Variants in SNTG1 observed in about 807,000 individuals in gnomAD.
The protein encoded by SNTG1 is gamma-1-syntrophin.
In SNTG1, 39 loss-of-function variants were observed where a neutral mutation model predicts 74.7. The observed-to-expected ratio is 0.52, with a 90% CI of 0.40 to 0.68. The LOEUF is 0.68. Ranked by LOEUF, SNTG1 falls within the 30% of genes least tolerant of loss-of-function variation. The pLI is 0.00. For synonymous variants in SNTG1, 254 were observed against 217.1 expected (o/e 1.17, Z -1.49); for missense variants, 685 against 609.5 (o/e 1.12, Z -1.30).
chr8:50,534,093 A>T (rs376430970), intron 10 of SNTG1, among the ~76,000 whole-genome samples: 7 of 152,256 alleles, frequency 4.6e-5, no homozygotes, highest in Non-Finnish European at 7.3e-5. Flanking sequence ...GAAATAATCA[A>T]GTAAAAAAAT....
At chr8:50,207,697 G>A (rs2084315452) in intron 2 of SNTG1, among the ~76,000 whole-genome samples, 1 of 152,060 alleles carries the variant, frequency 6.6e-6, no homozygotes, top group Non-Finnish European at 1.5e-5. Context: ...TCTCTTGTGG[G>A]CATTTAGTGC....
intron 1 of SNTG1, among the ~76,000 whole-genome samples, chr8:50,131,632 C>T (rs956297548): frequency 3.9e-5 from 6 of 151,980 alleles, no homozygotes; most frequent in Non-Finnish European, 4.4e-5. Context: ...GTGAATAATG[C>T]CTCAATGAAC....
intron 8 of SNTG1, among the ~76,000 whole-genome samples, chr8:50,462,239 T>C (rs2093569847): frequency 6.6e-6 from 1 of 151,134 alleles, no homozygotes; most frequent in South Asian, 2.2e-4. Context: ...TGGAAGTACA[T>C]ATACAAGTTA....
At chr8:50,358,820 A>T (rs17771833) in intron 2 of SNTG1, among the ~76,000 whole-genome samples, 1 of 152,166 alleles carries the variant, frequency 6.6e-6, no homozygotes, top group Admixed American at 6.5e-5. Context: ...TTAAGGCTTG[A>T]TGAACTATTC....
intron 1 of SNTG1, among the ~76,000 whole-genome samples, chr8:50,140,935 A>G (rs2081637749): frequency 6.6e-6 from 1 of 152,194 alleles, no homozygotes; most frequent in African/African-American, 2.4e-5. Context: ...TACTAATTAT[A>G]TTCTAAATCA....
In SNTG1 at chr8:50,548,905, G is replaced by T. The variant is rs868322439; in HGVS notation, c.681-4145G>T. On this transcript the variant is annotated intron_variant, in intron 11 of 18. Coordinates refer to ENST00000642720, the MANE Select transcript of SNTG1 (RefSeq NM_018967.5). The stretch of plus-strand genomic sequence containing the variant: ...GATAGTCTTCAAAATACAGCCTGAG[G>T]TGTGCAGAATATGTGTTGCCTTCTT... 3.3e-4 allele frequency among the ~76,000 whole-genome samples: 50 copies of T among 152,152 alleles called. 2 individuals carry two copies. Among genetic ancestry groups the T allele is most frequent in the Admixed American group, 7.9e-4 (12 of 15,268 alleles).
intron 17 of SNTG1, among the ~76,000 whole-genome samples, chr8:50,736,188 C>G (rs767765834): frequency 1.3e-5 from 2 of 151,882 alleles, no homozygotes; most frequent in Non-Finnish European, 2.9e-5. Flanking sequence ...TAAAGGCCAT[C>G]GAGACTATGA....
chr8:50,723,200 T>C (rs1235446176), intron 17 of SNTG1, among the ~76,000 whole-genome samples: 4 of 152,210 alleles, frequency 2.6e-5, no homozygotes, highest in Non-Finnish European at 5.9e-5. Context: ...ATCTGGTCTG[T>C]AATTACTTAA....
chr8:50,753,866 C>T (rs969824832), intron 18 of SNTG1, among the ~76,000 whole-genome samples: 1 of 151,918 alleles, frequency 6.6e-6, no homozygotes, highest in Non-Finnish European at 1.5e-5. Context: ...AAGTCAGCAT[C>T]TCCCTTTATA....
At chr8:50,325,964 T>C (rs2090729642) in intron 2 of SNTG1, among the ~76,000 whole-genome samples, 1 of 152,090 alleles carries the variant, frequency 6.6e-6, no homozygotes, top group South Asian at 2.1e-4. Context: ...TATCATACTT[T>C]TTTTTGTGTA....
At chr8:50,540,549 G>A (rs532010437) in intron 11 of SNTG1, among the ~76,000 whole-genome samples, 1 of 152,052 alleles carries the variant, frequency 6.6e-6, no homozygotes, top group South Asian at 2.1e-4. Context: ...CATCATTCAT[G>A]ATTTTTTTCT....
chr8:50,127,486 C>G (rs1479329043), intron 1 of SNTG1, among the ~76,000 whole-genome samples: 1 of 152,198 alleles, frequency 6.6e-6, no homozygotes, highest in Non-Finnish European at 1.5e-5. Context: ...GCCCACCGCC[C>G]AGTGGGTAGA....
chr8:50,165,168 G>A (rs893641218), intron 1 of SNTG1, among the ~76,000 whole-genome samples: 10 of 152,156 alleles, frequency 6.6e-5, no homozygotes, highest in Admixed American at 4.6e-4. Flanking sequence ...TTACTGAAAA[G>A]AGAGCAATTA....
In SNTG1 at chr8:50,793,065, T is replaced by A; in HGVS notation, c.*236T>A. The A allele has an allele frequency of 5.6e-6, 2 of 355,622 alleles. No individual in the cohort carries two copies. The allele number at this position is 355,622 out of a possible 1,614,324, so 22.0% of individuals were successfully genotyped here. A position where few individuals can be genotyped will look rare whatever the true frequency, so the allele number is the denominator to read the frequency against. On this transcript the variant is annotated 3_prime_UTR_variant, in exon 19 of 19. Transcript: ENST00000642720. ...TTCTCACTCAGTTGCTTTGTACCAG[T>A]AAGTGTATTGCTTTCACCAAAAGTG...
At chr8:50,400,607 A>C (rs768265924) in intron 3 of SNTG1, among the ~76,000 whole-genome samples, 16 of 152,164 alleles carry the variant, frequency 1.1e-4, no homozygotes, top group Admixed American at 4.6e-4. Context: ...ACTAATTTAC[A>C]TTTCCACTAA....
chr8:50,376,756 T>TATATAGAGAGAGAGAG lies in SNTG1; in HGVS notation c.-27-17455_-27-17454insTATAGAGAGAGAGAGA, dbSNP rs1381048539. ...ATATATATATATATATATATATATA[T>TATATAGAGAGAGAGAG]AGAGAGAGAGAGAGAGAGAGAGAGA... On this transcript the variant is annotated intron_variant, in intron 2 of 18. Coordinates refer to ENST00000642720, the MANE Select transcript of SNTG1 (RefSeq NM_018967.5). Among the ~76,000 whole-genome samples, 762 of 89,794 alleles carry TATATAGAGAGAGAGAG rather than the reference T, an allele frequency of 8.5e-3. 2 individuals carry two copies. The highest frequency in any genetic ancestry group is 0.013 in the Non-Finnish European group (597 of 44,518). 58.9% of individuals were successfully genotyped at this position (89,794 alleles called of 152,430 possible). A position where few individuals can be genotyped will look rare whatever the true frequency, so the allele number is the denominator to read the frequency against.
chr8:50,460,627 TTAACTC>T (rs1195843512), intron 8 of SNTG1, among the ~76,000 whole-genome samples: 1 of 152,226 alleles, frequency 6.6e-6, no homozygotes, highest in Non-Finnish European at 1.5e-5. Context: ...TGTCATGCAT[TTAACTC>T]TTTGATACAT....
chr8:50,095,327 A>C (rs1586245794), intron 1 of SNTG1, among the ~76,000 whole-genome samples: 2 of 152,176 alleles, frequency 1.3e-5, no homozygotes, highest in Admixed American at 1.3e-4. Flanking sequence ...GAAAGAAGAA[A>C]AAAGAAATCT....
chr8:50,324,909 G>A (rs2090675598), intron 2 of SNTG1, among the ~76,000 whole-genome samples: 1 of 142,330 alleles, frequency 7.0e-6, no homozygotes, highest in Non-Finnish European at 1.5e-5. Context: ...GATCCCTTTT[G>A]CATTAATTGT....
Sources: allele counts gnomAD v4.1 joint callset (sites outside exome capture counted in the v4.1 genomes callset), GRCh38; gene constraint gnomAD v4.1.1; transcripts MANE v1.5; gene names NCBI Gene and HGNC (gene_info 2026-07-23, HGNC 2026-07-21).